The following LRMDA variants were observed in gnomAD, a reference collection of about 807,000 sequenced individuals.
LRMDA encodes leucine rich melanocyte differentiation associated, also known as leucine-rich melanocyte differentiation-associated protein.
LRMDA carries 18 observed loss-of-function variants against 29.8 expected under a neutral mutation model. The ratio of observed to expected loss-of-function variants is 0.60; its 90% CI spans 0.42 to 0.90. LRMDA has a LOEUF of 0.90. Among genes scored for constraint, LRMDA ranks in the 40% least tolerant of loss-of-function variants. The pLI, the probability that LRMDA is intolerant of heterozygous loss-of-function variation, is 0.00. For missense variants in LRMDA, 273 were observed against 273.9 expected (o/e 1.00, Z 0.02); for synonymous variants, 125 against 109.4 (o/e 1.14, Z -0.89).
At position 75,763,580 on chromosome 10, in the gene LRMDA, T is replaced by C. The variant is rs78286580; in HGVS notation, c.132-272428T>C. 7.2e-5 allele frequency among the ~76,000 whole-genome samples: 11 copies of C among 152,352 alleles called. No homozygotes were observed. In the East Asian group the frequency reaches 2.1e-3, roughly 29 times the overall value. Reference sequence around the variant, plus strand: ...GCTTTATTATCAGAATCAAGGATGATATCGAGCAAAACAGTTTACGAGTTG... The same window carrying C: ...GCTTTATTATCAGAATCAAGGATGACATCGAGCAAAACAGTTTACGAGTTG... On this transcript the variant is annotated intron_variant, in intron 2 of 6. Transcript: ENST00000611255.
intron 2 of LRMDA, among the ~76,000 whole-genome samples, chr10:75,564,307 G>A (rs1442661673): frequency 1.3e-5 from 2 of 152,164 alleles, no homozygotes; most frequent in East Asian, 1.9e-4. Context: ...GGCAATCATC[G>A]AGACTCTGTG....
chr10:76,342,535 T>C lies in LRMDA; in HGVS notation c.601+18050T>C, dbSNP rs149437655. 6.5e-4 allele frequency among the ~76,000 whole-genome samples: 98 copies of C among 151,866 alleles called. No homozygotes were observed. The East Asian group carries it at 0.016, about 25-fold the overall frequency. The stretch of plus-strand genomic sequence containing the variant: ...AGGGAGGAAGTTTTAAAGTTAAAAA[T>C]AAATATTAATAAGATAGAATACAAA... On this transcript the variant is annotated intron_variant, in intron 6 of 6. Coordinates refer to ENST00000611255, the MANE Select transcript of LRMDA (RefSeq NM_001305581.2).
intron 2 of LRMDA, among the ~76,000 whole-genome samples, chr10:75,961,392 A>G (rs1205331811): frequency 6.6e-6 from 1 of 152,210 alleles, no homozygotes; most frequent in African/African-American, 2.4e-5. Flanking sequence ...CTATTATTCA[A>G]TTCACAGGTA....
intron 2 of LRMDA, among the ~76,000 whole-genome samples, chr10:75,737,902 A>T (rs1291302087): frequency 6.6e-6 from 1 of 152,186 alleles, no homozygotes; most frequent in Non-Finnish European, 1.5e-5. Context: ...ACTGAGAAAC[A>T]CGTTTTATGA....
At chr10:75,685,719 T>A (rs1700577358) in intron 2 of LRMDA, among the ~76,000 whole-genome samples, 1 of 152,194 alleles carries the variant, frequency 6.6e-6, no homozygotes, top group Non-Finnish European at 1.5e-5. Context: ...TACAATATAT[T>A]TGCAGTGGAT....
intron 2 of LRMDA, among the ~76,000 whole-genome samples, chr10:75,692,220 ATATATAT>A (rs1168053382): frequency 0.081 from 4,968 of 61,286 alleles, 362 homozygotes; most frequent in African/African-American, 0.23. Context: ...AAAAAAAAAA[ATATATAT>A]ATATATATAT....
intron 6 of LRMDA, among the ~76,000 whole-genome samples, chr10:76,401,704 G>C (rs1001355901): frequency 1.3e-5 from 2 of 152,166 alleles, no homozygotes; most frequent in Non-Finnish European, 2.9e-5. Context: ...GGGAGGATCT[G>C]TACTTGCTGC....
chr10:75,639,870 G>A (rs1307926363), intron 2 of LRMDA, among the ~76,000 whole-genome samples: 1 of 152,228 alleles, frequency 6.6e-6, no homozygotes, highest in Non-Finnish European at 1.5e-5. Context: ...TTAAGATTAA[G>A]TGATGCTGTC....
chr10:76,263,135 G>C (rs1589400156), intron 5 of LRMDA, among the ~76,000 whole-genome samples: 1 of 152,038 alleles, frequency 6.6e-6, no homozygotes, highest in African/African-American at 2.4e-5. Flanking sequence ...TTAAATGATT[G>C]ATCTTTACTT....
At chr10:75,859,660 C>T (rs1844889191) in intron 2 of LRMDA, among the ~76,000 whole-genome samples, 1 of 149,116 alleles carries the variant, frequency 6.7e-6, no homozygotes, top group Non-Finnish European at 1.5e-5. Context: ...CATCTGGCCT[C>T]GATGCCTCAT....
intron 2 of LRMDA, among the ~76,000 whole-genome samples, chr10:76,033,679 C>A (rs117689557): frequency 6.6e-6 from 1 of 152,112 alleles, no homozygotes; most frequent in East Asian, 1.9e-4. Context: ...TGCCTTTGAG[C>A]GGAGTCCAAC....
At chr10:75,567,583 G>A (rs1840389494) in intron 2 of LRMDA, among the ~76,000 whole-genome samples, 1 of 152,128 alleles carries the variant, frequency 6.6e-6, no homozygotes, top group Admixed American at 6.6e-5. Context: ...ATTCAAAACG[G>A]GATTTTTGCC....
intron 5 of LRMDA, among the ~76,000 whole-genome samples, chr10:76,088,287 A>G (rs1201430465): frequency 1.3e-5 from 2 of 152,140 alleles, no homozygotes; most frequent in East Asian, 3.9e-4. Context: ...ATCTGTAACC[A>G]TCTTCTGTCC....
rs750318148 is a variant in LRMDA at position 76,274,778 on chromosome 10, A to G, written c.517-49623A>G. Among the ~76,000 whole-genome samples, 7 of 152,214 alleles carry G rather than the reference A, an allele frequency of 4.6e-5. No homozygotes were observed. The South Asian group carries it at 8.3e-4, about 18-fold the overall frequency. On this transcript the variant is annotated intron_variant, in intron 5 of 6. Coordinates refer to ENST00000611255, the MANE Select transcript of LRMDA (RefSeq NM_001305581.2). ...TATTGGAGCGGTTTTTACAAAAATC[A>G]TATATGTCAATTTTACACAGGATCA...
intron 2 of LRMDA, among the ~76,000 whole-genome samples, chr10:75,954,352 C>G (rs976322819): frequency 1.3e-5 from 2 of 152,152 alleles, no homozygotes; most frequent in African/African-American, 2.4e-5. Flanking sequence ...AGGCAGCCCC[C>G]CACCGTAAGC....
intron 2 of LRMDA, among the ~76,000 whole-genome samples, chr10:75,621,108 T>G (rs1000678860): frequency 1.3e-5 from 2 of 152,114 alleles, no homozygotes; most frequent in South Asian, 4.1e-4. Context: ...CATTCCTGAG[T>G]TACTTCACTT....
intron 2 of LRMDA, among the ~76,000 whole-genome samples, chr10:75,867,708 G>C (rs1291713041): frequency 1.3e-5 from 2 of 152,184 alleles, no homozygotes; most frequent in Admixed American, 1.3e-4. Context: ...TGGGGACTCA[G>C]GATTTAGGGT....
At chr10:75,705,922 A>G (rs890125723) in intron 2 of LRMDA, among the ~76,000 whole-genome samples, 2 of 152,228 alleles carry the variant, frequency 1.3e-5, no homozygotes, top group Non-Finnish European at 2.9e-5. Flanking sequence ...GTGAAACATA[A>G]CCACAGAAAG....
rs149884194 is a variant in LRMDA, at chr10:75,696,271, A to T, written c.131+257777A>T. Among the ~76,000 whole-genome samples the T allele has an allele frequency of 6.0e-3, 920 of 152,184 alleles. 12 individuals carry two copies. Among genetic ancestry groups the T allele is most frequent in the African/African-American group, 0.021 (875 of 41,520 alleles). ...GTGTACATTGTGGATTGGCAGAGGG[A>T]CTCTGATTGTTTTCGTCACATAGGG... is the stretch of plus-strand genomic sequence containing the variant. On this transcript the variant is annotated intron_variant, in intron 2 of 6. Transcript: ENST00000611255.
Sources: gnomAD v4.1 joint callset for allele counts (sites outside exome capture counted in the v4.1 genomes callset) on GRCh38, gnomAD v4.1.1 for gene constraint, MANE v1.5 for transcripts, NCBI Gene and HGNC (gene_info 2026-07-23, HGNC 2026-07-21) for gene names.